ARHGAP15: variants seen among roughly 807,000 people sequenced by gnomAD.
ARHGAP15 encodes Rho GTPase activating protein 15, also known as rho GTPase-activating protein 15.
Under a neutral mutation model 63.7 loss-of-function variants are expected in ARHGAP15, and 51 were observed. The observed-to-expected ratio is 0.80, with a 90% CI of 0.64 to 1.01. The LOEUF (loss-of-function observed/expected upper bound fraction) is 1.01, where lower values mean the gene tolerates loss of function less well. Among genes scored for constraint, ARHGAP15 ranks in the 50% least tolerant of loss-of-function variants. The pLI is 0.00. For synonymous variants in ARHGAP15, 191 were observed against 193.8 expected (o/e 0.99, Z 0.12); for missense variants, 560 against 564.6 (o/e 0.99, Z 0.08).
Position 143,673,746 on chromosome 2 carries a change from G to GTA in ARHGAP15, c.1139-29672_1139-29671insAT, listed in dbSNP as rs1405952200. 2.0e-3 allele frequency among the ~76,000 whole-genome samples: 59 copies of GTA among 29,692 alleles called. 2 individuals carry two copies. The highest frequency in any genetic ancestry group is 5.3e-3 in the South Asian group (2 of 376). The allele number at this position is 29,692 out of a possible 152,430, so 19.5% of individuals were successfully genotyped here. On this transcript the variant is annotated intron_variant, in intron 12 of 13. Transcript: ENST00000295095. Reference sequence around the variant, plus strand: ...ATTGTGTGTGTGTGTGTGTGTGTGTGTGTGTGTGTGTGTATATATATATAT... The same window carrying GTA: ...ATTGTGTGTGTGTGTGTGTGTGTGTGTATGTGTGTGTGTGTATATATATATAT...
intron 13 of ARHGAP15, among the ~76,000 whole-genome samples, chr2:143,754,733 A>G (rs1261575636): frequency 6.6e-6 from 1 of 152,136 alleles, no homozygotes; most frequent in Non-Finnish European, 1.5e-5. Context: ...CACCTTTCCT[A>G]GACCCTCCCT....
chr2:143,320,507 A>G (rs922941011), intron 6 of ARHGAP15, among the ~76,000 whole-genome samples: 2 of 148,868 alleles, frequency 1.3e-5, no homozygotes, highest in African/African-American at 5.0e-5. Flanking sequence ...AAGTCACTTG[A>G]CTATAATTGA....
chr2:143,702,716 C>A (rs192989331), intron 12 of ARHGAP15, among the ~76,000 whole-genome samples: 11 of 152,228 alleles, frequency 7.2e-5, no homozygotes, highest in African/African-American at 2.6e-4. Flanking sequence ...TGTCTCCTTG[C>A]CTTTCCCAGC....
chr2:143,609,241 A>G (rs1698161144), intron 11 of ARHGAP15, among the ~76,000 whole-genome samples: 1 of 152,204 alleles, frequency 6.6e-6, no homozygotes, highest in African/African-American at 2.4e-5. Flanking sequence ...TAAGAATAGG[A>G]CAACTCTACT....
chr2:143,667,629 GTTAAT>G (rs145599156), intron 12 of ARHGAP15, among the ~76,000 whole-genome samples: 5,961 of 149,718 alleles, frequency 0.04, 160 homozygotes, highest in Middle Eastern at 0.072. Context: ...AGGGAAGTTT[GTTAAT>G]TTAATCTTTG....
intron 12 of ARHGAP15, among the ~76,000 whole-genome samples, chr2:143,666,138 T>C (rs1445092690): frequency 2.0e-5 from 3 of 151,772 alleles, no homozygotes; most frequent in East Asian, 3.9e-4. Context: ...AGAACAAAGC[T>C]GGAGGCATCA....
chr2:143,339,143 A>T (rs1341358925), intron 6 of ARHGAP15, among the ~76,000 whole-genome samples: 2 of 152,146 alleles, frequency 1.3e-5, no homozygotes, highest in African/African-American at 4.8e-5. Context: ...TATTTAATTA[A>T]AGAGCAGGAA....
At chr2:143,446,216 A>T (rs891507566) in intron 8 of ARHGAP15, among the ~76,000 whole-genome samples, 12 of 150,870 alleles carry the variant, frequency 8.0e-5, no homozygotes, top group African/African-American at 2.7e-4. Flanking sequence ...TATGTATTTG[A>T]TCTAGAGAAA....
At chr2:143,182,505 T>C (rs1691279694) in intron 2 of ARHGAP15, among the ~76,000 whole-genome samples, 1 of 152,114 alleles carries the variant, frequency 6.6e-6, no homozygotes, top group South Asian at 2.1e-4. Context: ...GTGTGAAAGA[T>C]GGGTGGTGGG....
Position 143,362,436 on chromosome 2 carries a change from C to A in ARHGAP15, c.475-73165C>A, listed in dbSNP as rs190119715. Among the ~76,000 whole-genome samples the A allele has an allele frequency of 7.6e-4, 116 of 152,284 alleles. 1 individual carries two copies. Among genetic ancestry groups the A allele is most frequent in the African/African-American group, 2.8e-3 (115 of 41,560 alleles). Reference sequence around the variant, plus strand: ...TTCTGCCTCTTTGGGAATTCTGCGTCCTCCTCTTCACCTCTTATTTGTGGA... The same window carrying A: ...TTCTGCCTCTTTGGGAATTCTGCGTACTCCTCTTCACCTCTTATTTGTGGA... On this transcript the variant is annotated intron_variant, in intron 6 of 13. Coordinates refer to ENST00000295095, the MANE Select transcript of ARHGAP15 (RefSeq NM_018460.4).
chr2:143,484,736 G>T (rs187993833), intron 8 of ARHGAP15, among the ~76,000 whole-genome samples: 68 of 152,070 alleles, frequency 4.5e-4, no homozygotes, highest in African/African-American at 1.4e-3. Flanking sequence ...AAAGCAAAAA[G>T]AAACAATTTA....
chr2:143,743,350 G>T (rs552790135), intron 13 of ARHGAP15, among the ~76,000 whole-genome samples: 1 of 152,120 alleles, frequency 6.6e-6, no homozygotes, highest in Non-Finnish European at 1.5e-5. Context: ...TTTAGAAGGG[G>T]GCTTCCCAGA....
At chr2:143,211,812 T>G (rs565129566) in intron 3 of ARHGAP15, among the ~76,000 whole-genome samples, 10 of 152,318 alleles carry the variant, frequency 6.6e-5, no homozygotes, top group Non-Finnish European at 1.2e-4. Flanking sequence ...ATTCTGATAC[T>G]ATTTAAGTCA....
chr2:143,632,647 A>C (rs1360432604), intron 12 of ARHGAP15, among the ~76,000 whole-genome samples: 1 of 152,180 alleles, frequency 6.6e-6, no homozygotes, highest in South Asian at 2.1e-4. Context: ...CTGTCTATAC[A>C]TCAGTCACAT....
chr2:143,759,480 T>C lies in ARHGAP15; in HGVS notation c.1245-8509T>C, dbSNP rs574459692. The stretch of plus-strand genomic sequence containing the variant: ...TGTATGTAGATACATTATACAAACA[T>C]TTCTATCATCTCTAAATGCCAACAG... On this transcript the variant is annotated intron_variant, in intron 13 of 13. Coordinates refer to ENST00000295095, the MANE Select transcript of ARHGAP15 (RefSeq NM_018460.4). 1.0e-3 allele frequency among the ~76,000 whole-genome samples: 159 copies of C among 152,252 alleles called. 1 individual carries two copies. The highest frequency in any genetic ancestry group is 3.1e-3 in the South Asian group (15 of 4,826).
chr2:143,403,238 G>T (rs373178326), intron 6 of ARHGAP15, among the ~76,000 whole-genome samples: 32 of 151,176 alleles, frequency 2.1e-4, no homozygotes, highest in Middle Eastern at 3.4e-3. Context: ...CAATAAGACC[G>T]TTTGATTTCT....
intron 1 of ARHGAP15, among the ~76,000 whole-genome samples, chr2:143,146,354 T>C (rs1304834881): frequency 6.6e-6 from 1 of 151,982 alleles, no homozygotes; most frequent in Admixed American, 6.6e-5. Context: ...TCTTTACAAA[T>C]AAAAGTTTGA....
intron 3 of ARHGAP15, among the ~76,000 whole-genome samples, chr2:143,208,032 T>C (rs1237707267): frequency 6.6e-6 from 1 of 152,156 alleles, no homozygotes; most frequent in East Asian, 1.9e-4. Flanking sequence ...CTGGCAGTAG[T>C]TTCCTTGGCT....
chr2:143,210,754 A>C (rs1692531619), intron 3 of ARHGAP15, among the ~76,000 whole-genome samples: 1 of 152,178 alleles, frequency 6.6e-6, no homozygotes. Context: ...AAACACGCTT[A>C]TCAAGGACCT....
Sources: allele counts gnomAD v4.1 joint callset (sites outside exome capture counted in the v4.1 genomes callset), GRCh38; gene constraint gnomAD v4.1.1; transcripts MANE v1.5; gene names NCBI Gene and HGNC (gene_info 2026-07-23, HGNC 2026-07-21).